BCAN: variants seen among roughly 807,000 people sequenced by gnomAD.
The protein encoded by BCAN is brevican.
In BCAN, 51 loss-of-function variants were observed where a neutral mutation model predicts 92.4. The ratio of observed to expected loss-of-function variants is 0.55; its 90% CI spans 0.44 to 0.70. The LOEUF (loss-of-function observed/expected upper bound fraction) is 0.70, where lower values mean the gene tolerates loss of function less well. Ranked by LOEUF, BCAN falls within the 30% of genes least tolerant of loss-of-function variation. The pLI is 0.00. For synonymous variants in BCAN, 501 were observed against 505.2 expected (o/e 0.99, Z 0.11); for missense variants, 1,140 against 1,212.1 (o/e 0.94, Z 0.88).
In BCAN at chr1:156,658,639, GGGA is replaced by G. The variant is rs766367021; in HGVS notation, c.2535_2537del (p.Glu846del). The stretch of plus-strand genomic sequence containing the variant: ...GACACTGTGCTTCGCTACCGGTGCC[GGGA>G]AGGACTGGCCCAGCGCAATCTGCCG... On this transcript the variant is annotated inframe_deletion, in exon 13 of 14. Coordinates refer to ENST00000329117, the MANE Select transcript of BCAN (RefSeq NM_021948.5). The surrounding 1 kb of genome is among the most constrained non-coding windows in gnomAD (Gnocchi z 4.4). 6.2e-7 allele frequency: 1 copy of G among 1,614,154 alleles called. No individual in the cohort carries two copies. The highest frequency in any genetic ancestry group is 1.7e-5 in the Admixed American group (1 of 60,032).
chr1:156,651,575 G>A lies in BCAN; in HGVS notation c.1183G>A (p.Glu395Lys), dbSNP rs750707107. The A allele has an allele frequency of 6.2e-6, 10 of 1,613,842 alleles. No homozygotes were observed. The highest frequency in any genetic ancestry group is 4.0e-5 in the African/African-American group (3 of 74,918). Residue 395 changes from glutamate to lysine, a missense_variant, in exon 7 of 14, where the codon GAA becomes AAA. Physicochemically the swap from Glu to Lys is moderately conservative, Grantham distance 56. Coordinates refer to ENST00000329117, the MANE Select transcript of BCAN (RefSeq NM_021948.5). ...ETLEELQLPQ[E>K]ATESESRGAI... ...CCTGGAGGAACTGCAGCTGCCTCAG[G>A]AAGCCACAGAGAGTGAATCCCGTGG...
chr1:156,646,713 AG>A, intron 2 of BCAN, 87 bp from the exon 3 acceptor site: 2 of 1,490,490 alleles, frequency 1.3e-6, no homozygotes, highest in Non-Finnish European at 1.8e-6. Context: ...GGCCGGAAGG[AG>A]GGATCCTGGA....
rs139923662 is a variant in BCAN at position 156,648,300 on chromosome 1, A to C, written c.769+190A>C. 1.5e-3 allele frequency among the ~76,000 whole-genome samples: 222 copies of C among 152,270 alleles called. 1 individual carries two copies. The highest frequency in any genetic ancestry group is 5.1e-3 in the African/African-American group (210 of 41,546). ...CAAGCTCATGACCAAAGTCTCAGCC[A>C]GGCAGCAGGATACCGAGTTTAACTC... On this transcript the variant is annotated intron_variant, in intron 5 of 13. Transcript: ENST00000329117.
intron 8 of BCAN, chr1:156,653,346 C>G: frequency 9.6e-7 from 1 of 1,041,902 alleles, no homozygotes; most frequent in Non-Finnish European, 1.2e-6. Flanking sequence ...ACCCCTCAAC[C>G]TCCGGAGTCC....
At chr1:156,651,770 G>A in intron 7 of BCAN, 81 bp downstream of exon 7, 1 of 1,245,318 alleles carries the variant, frequency 8.0e-7, no homozygotes, top group Non-Finnish European at 1.1e-6. Context: ...TTGATGCTAG[G>A]GTGATGGATG....
chr1:156,647,247 C>T lies in BCAN; in HGVS notation c.466+72C>T. On this transcript the variant is annotated intron_variant, in intron 3 of 13. Coordinates refer to ENST00000329117, the MANE Select transcript of BCAN (RefSeq NM_021948.5). This position sits in a 1 kb window ranked among gnomAD's most constrained non-coding sequence, Gnocchi z 4.8. The stretch of plus-strand genomic sequence containing the variant: ...GGAGGACTCTTGCCTTCGGGGATCC[C>T]ACAGTGTGAGAGGGAAGCAAAGGTA... 3.4e-6 allele frequency: 5 copies of T among 1,453,248 alleles called. No individual in the cohort carries two copies. Among genetic ancestry groups the T allele is most frequent in the Admixed American group, 2.7e-5 (1 of 37,360 alleles). The allele number at this position is 1,453,248 out of a possible 1,614,324, so 90.0% of individuals were successfully genotyped here. A position where few individuals can be genotyped will look rare whatever the true frequency, so the allele number is the denominator to read the frequency against.
chr1:156,653,116 G>A (rs1025425523), intron 8 of BCAN: 16 of 1,416,172 alleles, frequency 1.1e-5, no homozygotes, highest in South Asian at 6.3e-5. Context: ...TCCCAGCCCC[G>A]CCACTGACCA....
At position 156,646,517 on chromosome 1, in the gene BCAN, A is replaced by G; in HGVS notation, c.92-284A>G. On this transcript the variant is annotated intron_variant, in intron 2 of 13. Coordinates refer to ENST00000329117, the MANE Select transcript of BCAN (RefSeq NM_021948.5). ...GAGGACCCTGGGGTGTGGTCTAGGA[A>G]TTTTGGAGAGGAAGTGGAAGACTCT... 5.7e-6 allele frequency: 3 copies of G among 527,226 alleles called. No homozygotes were observed. In the South Asian group the frequency reaches 1.1e-4, roughly 18 times the overall value. The allele number at this position is 527,226 out of a possible 1,614,324, so 32.7% of individuals were successfully genotyped here. A position where few individuals can be genotyped will look rare whatever the true frequency, so the allele number is the denominator to read the frequency against.
chr1:156,653,465 G>T (rs1679243496), intron 8 of BCAN: 1 of 988,134 alleles, frequency 1.0e-6, no homozygotes, highest in Non-Finnish European at 1.2e-6. Flanking sequence ...AAACCGCTTT[G>T]TAACCAAGCT....
In BCAN at chr1:156,652,406, C is replaced by T. The variant is rs377653408; in HGVS notation, c.1456C>T (p.Leu486Phe). ...GGCTCTGTGGGCATGGCCCAGCGAG[C>T]TCAGCAGCCCGGGCCCTGAGGCCTC... is the stretch of plus-strand genomic sequence containing the variant. ...DEALWAWPSE[L>F]SSPGPEASLP... The change falls in exon 8 of 14, where the codon CTC becomes TTC. Residue 486 changes from leucine to phenylalanine, a missense_variant. Leu to Phe is a conservative substitution (Grantham distance 22, BLOSUM62 0). Around this residue, in one of 3 missense-constraint regions of BCAN, gnomAD observed 825 missense variants for 871.8 expected, o/e 0.95. Transcript: ENST00000329117. The T allele has an allele frequency of 8.0e-5, 129 of 1,607,248 alleles. No individual in the cohort carries two copies. Among genetic ancestry groups the T allele is most frequent in the Non-Finnish European group, 9.9e-5 (117 of 1,176,556 alleles).
In BCAN at chr1:156,647,184, G is replaced by A; in HGVS notation, c.466+9G>A. On this transcript the variant is annotated intron_variant, in intron 3 of 13. Transcript: ENST00000329117. The surrounding 1 kb of genome is among the most constrained non-coding windows in gnomAD (Gnocchi z 4.8). ...GGAGGTCAAGGTCAAAGGTGAGAGG[G>A]CAGGGAGGTTCCAGAGGGAGGGAGG... 1 of 1,464,452 alleles carries A rather than the reference G, an allele frequency of 6.8e-7. No individual in the cohort carries two copies. Among genetic ancestry groups the A allele is most frequent in the Non-Finnish European group, 9.2e-7 (1 of 1,084,122 alleles). 90.7% of individuals were successfully genotyped at this position (1,464,452 alleles called of 1,614,324 possible). A position where few individuals can be genotyped will look rare whatever the true frequency, so the allele number is the denominator to read the frequency against.
chr1:156,648,196 C>A, intron 5 of BCAN, 86 bp downstream of exon 5: 17 of 1,530,882 alleles, frequency 1.1e-5, no homozygotes, highest in Admixed American at 1.7e-5. Context: ...CAGGACCTTA[C>A]TATCCCTCCT....
Position 156,647,133 on chromosome 1 carries a change from G to A in BCAN, c.424G>A (p.Gly142Ser), listed in dbSNP as rs376404213. The A allele has an allele frequency of 6.2e-5, 98 of 1,573,932 alleles. No individual in the cohort carries two copies. Among genetic ancestry groups the A allele is most frequent in the Non-Finnish European group, 7.7e-5 (89 of 1,152,310 alleles). Residue 142 changes from glycine (G) to serine (S), a missense_variant, in exon 3 of 14, where the codon GGC becomes AGC. Around this residue, in one of 3 missense-constraint regions of BCAN, gnomAD observed 286 missense variants for 284.1 expected, o/e 1.01. Coordinates refer to ENST00000329117, the MANE Select transcript of BCAN (RefSeq NM_021948.5). The surrounding 1 kb of genome is among the most constrained non-coding windows in gnomAD (Gnocchi z 4.8). The part of the protein sequence containing the change: ...SGIYRCEVQH[G>S]IDDSSDAVEV... Reference sequence around the variant, plus strand: ...TATCTATCGCTGTGAGGTCCAGCACGGCATCGATGACAGCAGCGACGCTGT... The same window carrying A: ...TATCTATCGCTGTGAGGTCCAGCACAGCATCGATGACAGCAGCGACGCTGT...
At position 156,647,842 on chromosome 1, in the gene BCAN, G is replaced by C; in HGVS notation, c.642-141G>C. 6.5e-7 allele frequency: 1 copy of C among 1,534,400 alleles called. No individual in the cohort carries two copies. The highest frequency in any genetic ancestry group is 9.0e-7 in the Non-Finnish European group (1 of 1,110,988). On this transcript the variant is annotated intron_variant, in intron 4 of 13. Coordinates refer to ENST00000329117, the MANE Select transcript of BCAN (RefSeq NM_021948.5). This position sits in a 1 kb window ranked among gnomAD's most constrained non-coding sequence, Gnocchi z 4.8. ...GAGGGGAGGTGAGGACCCTGAGCAT[G>C]TGCATCCCTGCAGTGCTAGAAGGAC...
chr1:156,646,597 G>A (rs1678972433), intron 2 of BCAN: 1 of 773,566 alleles, frequency 1.3e-6, no homozygotes, highest in Admixed American at 3.5e-5. Flanking sequence ...TTTGGGGGAT[G>A]GGTCTGGAGA....
At position 156,659,186 on chromosome 1, in the gene BCAN, T is replaced by A. The variant is rs1334918978; in HGVS notation, c.*52T>A. The A allele has an allele frequency of 1.0e-5, 14 of 1,401,154 alleles. No homozygotes were observed. Among genetic ancestry groups the A allele is most frequent in the Admixed American group, 2.6e-5 (1 of 38,698 alleles). 86.8% of individuals were successfully genotyped at this position (1,401,154 alleles called of 1,614,324 possible). On this transcript the variant is annotated 3_prime_UTR_variant, in exon 14 of 14. Coordinates refer to ENST00000329117, the MANE Select transcript of BCAN (RefSeq NM_021948.5). ...CACAGCACTGCCCTGTCACCCAAATTTTCCCTCACACCCTGCGCTCCCGCC... is the reference window on the plus strand; with the variant it reads ...CACAGCACTGCCCTGTCACCCAAATATTCCCTCACACCCTGCGCTCCCGCC...
At position 156,651,619 on chromosome 1, in the gene BCAN, C is replaced by T; in HGVS notation, c.1227C>T (p.Pro409=). 6.2e-7 allele frequency: 1 copy of T among 1,613,892 alleles called. No homozygotes were observed. Residue 409 remains proline (P), a synonymous_variant, in exon 7 of 14, where the codon CCC becomes CCT. Transcript: ENST00000329117. ...SESRGAIYSI[P]IMEDGGGGSS... is the part of the protein sequence containing the mutation. ...CCCGTGGGGCCATCTACTCCATCCCCATCATGGAGGACGGAGGAGGTGGAA... is the reference window on the plus strand; with the variant it reads ...CCCGTGGGGCCATCTACTCCATCCCTATCATGGAGGACGGAGGAGGTGGAA...
chr1:156,644,195 C>T (rs1337132246), intron 1 of BCAN: 1 of 152,252 alleles, frequency 6.6e-6, no homozygotes, highest in Non-Finnish European at 1.5e-5. Context: ...GGCCTTAGGC[C>T]CTCTTCCCTC....
rs150989682 is a variant in BCAN at position 156,651,532 on chromosome 1, C to T, written c.1140C>T (p.Ile380=). ...SNPASDGLEA[I]VTVTETLEEL... ...CAGCCTCTGATGGACTAGAGGCTAT[C>T]GTCACAGTGACAGAGACCCTGGAGG... The change falls in exon 7 of 14, where the codon ATC becomes ATT. Residue 380 remains isoleucine (I), a synonymous_variant. Coordinates refer to ENST00000329117, the MANE Select transcript of BCAN (RefSeq NM_021948.5). The T allele has an allele frequency of 4.0e-4, 645 of 1,614,026 alleles. 3 individuals are homozygous for T. In the African/African-American group the frequency reaches 6.0e-3, roughly 15 times the overall value.
Sources: allele counts gnomAD v4.1 joint callset (sites outside exome capture counted in the v4.1 genomes callset), GRCh38; gene constraint gnomAD v4.1.1; regional missense constraint gnomAD v4.1.1; non-coding constraint Gnocchi (gnomAD v3.1); transcripts MANE v1.5; gene names NCBI Gene and HGNC (gene_info 2026-07-23, HGNC 2026-07-21).